DSCAML1: variants seen among roughly 807,000 people sequenced by gnomAD.
The protein encoded by DSCAML1 is DS cell adhesion molecule like 1.
Under a neutral mutation model 200.5 loss-of-function variants are expected in DSCAML1, and 38 were observed. The ratio of observed to expected loss-of-function variants is 0.19; its 90% CI spans 0.15 to 0.25. The LOEUF (loss-of-function observed/expected upper bound fraction) is 0.25. DSCAML1 is among the 10% of genes least tolerant of loss of function. DSCAML1 has a pLI of 1.00. For synonymous variants in DSCAML1, 1,215 were observed against 1,165.0 expected (o/e 1.04, Z -0.87); for missense variants, 2,223 against 2,858.8 (o/e 0.78, Z 5.07).
At chr11:117,519,375 G>A (rs1047139254) in intron 6 of DSCAML1, among the ~76,000 whole-genome samples, 9 of 152,172 alleles carry the variant, frequency 5.9e-5, no homozygotes, top group African/African-American at 9.7e-5. Flanking sequence ...AGTCTTGGCC[G>A]GGGCTTAAGT....
chr11:117,794,957 C>G (rs1439311850), intron 1 of DSCAML1, among the ~76,000 whole-genome samples: 2 of 152,232 alleles, frequency 1.3e-5, no homozygotes, highest in African/African-American at 4.8e-5. Context: ...ACTGGCATCT[C>G]CAGCCCGCCT....
chr11:117,459,199 C>T (rs1237017578), intron 18 of DSCAML1, among the ~76,000 whole-genome samples: 1 of 152,230 alleles, frequency 6.6e-6, no homozygotes, highest in East Asian at 1.9e-4. Flanking sequence ...CTTTAAAACG[C>T]CTCTCTCCAT....
At chr11:117,561,302 CAGT>C (rs1267423731) in intron 3 of DSCAML1, among the ~76,000 whole-genome samples, 3 of 152,222 alleles carry the variant, frequency 2.0e-5, no homozygotes, top group Admixed American at 6.5e-5. Flanking sequence ...GAGTTCTAAC[CAGT>C]TCCACAGTGA....
intron 3 of DSCAML1, among the ~76,000 whole-genome samples, chr11:117,626,208 C>A (rs558542774): frequency 1.9e-4 from 26 of 134,024 alleles, no homozygotes; most frequent in African/African-American, 6.8e-4. Context: ...GACCCCCCCC[C>A]CTCCTTCTTC....
chr11:117,487,869 T>G (rs1407692462), intron 11 of DSCAML1, among the ~76,000 whole-genome samples: 1 of 152,050 alleles, frequency 6.6e-6, no homozygotes, highest in Admixed American at 6.5e-5. Flanking sequence ...AGGGCCACAG[T>G]GGGAAGTGGC....
At chr11:117,673,354 C>T (rs1161645713) in intron 3 of DSCAML1, among the ~76,000 whole-genome samples, 2 of 152,200 alleles carry the variant, frequency 1.3e-5, no homozygotes, top group Non-Finnish European at 2.9e-5. Flanking sequence ...GAGCCAGCTC[C>T]TGGGTGGACT....
At chr11:117,513,979 G>A (rs1418709069) in intron 8 of DSCAML1, among the ~76,000 whole-genome samples, 2 of 152,168 alleles carry the variant, frequency 1.3e-5, no homozygotes, top group African/African-American at 4.8e-5. Context: ...CTGGCCACCA[G>A]GCCCTTCCAC....
At chr11:117,481,873 C>T (rs2048929793) in intron 12 of DSCAML1, 90 bp downstream of exon 12, 1 of 1,488,342 alleles carries the variant, frequency 6.7e-7, no homozygotes, top group African/African-American at 1.4e-5. Flanking sequence ...CCCAGGCTCC[C>T]CATTTGCCTC....
At chr11:117,482,868 C>T (rs1457397417) in intron 11 of DSCAML1, among the ~76,000 whole-genome samples, 2 of 152,242 alleles carry the variant, frequency 1.3e-5, no homozygotes, top group Non-Finnish European at 2.9e-5. Flanking sequence ...AAGAACCCTT[C>T]TTGAAAGCAC....
intron 3 of DSCAML1, among the ~76,000 whole-genome samples, chr11:117,559,614 C>G (rs762486502): frequency 1.3e-5 from 2 of 152,138 alleles, no homozygotes; most frequent in Admixed American, 6.5e-5. Flanking sequence ...GCAATACGTG[C>G]CTTTTATCCC....
intron 3 of DSCAML1, among the ~76,000 whole-genome samples, chr11:117,705,315 C>T (rs1397429410): frequency 6.6e-6 from 1 of 152,192 alleles, no homozygotes; most frequent in Admixed American, 6.5e-5. Flanking sequence ...TAACTGAAAG[C>T]CGATGTACTC....
intron 18 of DSCAML1, 51 bp from the exon 19 acceptor site, chr11:117,458,960 C>T: frequency 2.5e-6 from 4 of 1,587,358 alleles, no homozygotes; most frequent in Non-Finnish European, 3.4e-6. Context: ...GGCTGTGGCC[C>T]CTGCTGCTAC....
intron 3 of DSCAML1, among the ~76,000 whole-genome samples, chr11:117,759,113 T>A (rs1476539225): frequency 6.6e-6 from 1 of 152,174 alleles, no homozygotes; most frequent in Non-Finnish European, 1.5e-5. Flanking sequence ...TGAGACAGAC[T>A]CCCTCACCCT....
At chr11:117,539,389 C>T (rs763523416) in intron 3 of DSCAML1, among the ~76,000 whole-genome samples, 28 of 151,990 alleles carry the variant, frequency 1.8e-4, no homozygotes, top group Non-Finnish European at 3.7e-4. Context: ...GGGTGGATCA[C>T]CTGAGGTCAG....
chr11:117,553,014 T>C (rs1178200753), intron 3 of DSCAML1, among the ~76,000 whole-genome samples: 1 of 152,174 alleles, frequency 6.6e-6, no homozygotes, highest in Non-Finnish European at 1.5e-5. Context: ...TGTTTTTGGG[T>C]TGGCAAAGTT....
intron 3 of DSCAML1, among the ~76,000 whole-genome samples, chr11:117,743,030 C>CCATCCATCCAT: frequency 3.0e-5 from 1 of 32,792 alleles, no homozygotes; most frequent in Middle Eastern, 0.025. Context: ...CATCCATCCA[C>CCATCCATCCAT]CCATCCGTCC....
chr11:117,758,448 C>T (rs1334053338), intron 3 of DSCAML1, among the ~76,000 whole-genome samples: 2 of 151,888 alleles, frequency 1.3e-5, no homozygotes, highest in Non-Finnish European at 2.9e-5. Flanking sequence ...GTTGCCCAGG[C>T]TGGAGTGCAG....
At chr11:117,728,567 T>C (rs1395807078) in intron 3 of DSCAML1, among the ~76,000 whole-genome samples, 4 of 152,094 alleles carry the variant, frequency 2.6e-5, no homozygotes, top group Non-Finnish European at 5.9e-5. Flanking sequence ...ATAATTATTA[T>C]AACAAATAAG....
intron 3 of DSCAML1, among the ~76,000 whole-genome samples, chr11:117,655,813 CT>C (rs1181217052): frequency 2.0e-5 from 3 of 152,226 alleles, no homozygotes; most frequent in African/African-American, 7.2e-5. Flanking sequence ...AGCCTGGTTG[CT>C]GGAGAAGCCT....
Sources: allele counts gnomAD v4.1 joint callset (sites outside exome capture counted in the v4.1 genomes callset), GRCh38; gene constraint gnomAD v4.1.1; transcripts MANE v1.5; gene names NCBI Gene and HGNC (gene_info 2026-07-23, HGNC 2026-07-21).